The following RABGAP1L variants were observed in gnomAD, a reference collection of about 807,000 sequenced individuals.
RABGAP1L encodes the protein RAB GTPase activating protein 1 like.
In RABGAP1L, 63 loss-of-function variants were observed where a neutral mutation model predicts 137.7. That is an observed-to-expected ratio of 0.46 (90% confidence interval 0.37 to 0.56). RABGAP1L has a LOEUF of 0.56. Among genes scored for constraint, RABGAP1L ranks in the 20% least tolerant of loss-of-function variants. The pLI, the probability that RABGAP1L is intolerant of heterozygous loss-of-function variation, is 0.00. For missense variants in RABGAP1L, 1,095 were observed against 1,244.0 expected, an observed-to-expected ratio of 0.88 and a Z score of 1.80; for synonymous variants, 431 against 433.7, an observed-to-expected ratio of 0.99 and a Z score of 0.08.
chr1:174,589,365 T>C (rs1572419364), intron 13 of RABGAP1L, among the ~76,000 whole-genome samples: 1 of 152,234 alleles, frequency 6.6e-6, no homozygotes, highest in Non-Finnish European at 1.5e-5. Flanking sequence ...ATTTGTCAGA[T>C]GAAGTTTGCA....
intron 21 of RABGAP1L, among the ~76,000 whole-genome samples, chr1:174,971,374 C>G (rs1371550676): frequency 6.6e-6 from 1 of 151,842 alleles, no homozygotes; most frequent in Non-Finnish European, 1.5e-5. Flanking sequence ...GGAGTGACTG[C>G]CATTATAGGT....
At chr1:174,700,962 G>A in intron 16 of RABGAP1L, 1 of 894,088 alleles carries the variant, frequency 1.1e-6, no homozygotes, top group Non-Finnish European at 1.5e-6. Flanking sequence ...TTTTCTGTTA[G>A]CAGTTTTTTT....
intron 19 of RABGAP1L, chr1:174,849,943 C>G (rs112091766): frequency 3.8e-5 from 26 of 691,482 alleles, no homozygotes; most frequent in Middle Eastern, 4.9e-4. Flanking sequence ...ATGGAAGACA[C>G]AGGATCTTTG....
intron 17 of RABGAP1L, among the ~76,000 whole-genome samples, chr1:174,716,538 A>C (rs766101699): frequency 6.6e-5 from 10 of 152,214 alleles, no homozygotes; most frequent in Non-Finnish European, 1.3e-4. Context: ...TTTAGCTACC[A>C]GTACTAGAAC....
intron 13 of RABGAP1L, among the ~76,000 whole-genome samples, chr1:174,502,184 T>C (rs1459535606): frequency 6.6e-6 from 1 of 151,920 alleles, no homozygotes; most frequent in Admixed American, 6.5e-5. Context: ...AAGCAACAAG[T>C]ATGCAAAAAG....
chr1:174,881,032 A>G (rs1368137566), intron 19 of RABGAP1L, among the ~76,000 whole-genome samples: 2 of 152,206 alleles, frequency 1.3e-5, no homozygotes, highest in Non-Finnish European at 2.9e-5. Context: ...TGACCAAGTC[A>G]TAGGGAACAT....
At chr1:174,355,436 G>T (rs1464397763) in intron 11 of RABGAP1L, among the ~76,000 whole-genome samples, 1 of 144,232 alleles carries the variant, frequency 6.9e-6, no homozygotes, top group Non-Finnish European at 1.5e-5. Context: ...ACACAGGAAG[G>T]GGAACATCAC....
At chr1:174,427,522 C>G (rs76766946) in intron 13 of RABGAP1L, among the ~76,000 whole-genome samples, 3,067 of 152,156 alleles carry the variant, frequency 0.02, 110 homozygotes, top group African/African-American at 0.071. Flanking sequence ...ATCACTTTAG[C>G]CACTTAGCTT....
intron 18 of RABGAP1L, among the ~76,000 whole-genome samples, chr1:174,796,809 C>A (rs538855102): frequency 6.6e-6 from 1 of 152,054 alleles, no homozygotes; most frequent in Non-Finnish European, 1.5e-5. Flanking sequence ...GAGTTGAAGA[C>A]CAGCCTGGCC....
Position 174,864,396 on chromosome 1 carries a change from T to C in RABGAP1L, c.2340+52436T>C, listed in dbSNP as rs547510100. ...CTAATAAAGACATACCAGAGACTGG[T>C]TAATTTATAAAGGAAAGTTGTTTAA... On this transcript the variant is annotated intron_variant, in intron 19 of 25. Coordinates refer to ENST00000681986, the MANE Select transcript of RABGAP1L (RefSeq NM_001366446.1). Among the ~76,000 whole-genome samples, 8 of 152,312 alleles carry C rather than the reference T, an allele frequency of 5.3e-5. No homozygotes were observed. The South Asian group carries it at 1.7e-3, about 32-fold the overall frequency.
rs1257427996 is a variant in RABGAP1L at position 174,995,239 on chromosome 1, G to C, written c.*5238G>C. The C allele has an allele frequency of 6.6e-6, 1 of 152,240 alleles. No individual in the cohort carries two copies. 9.4% of individuals were successfully genotyped at this position (152,240 alleles called of 1,614,324 possible). On this transcript the variant is annotated 3_prime_UTR_variant, in exon 26 of 26. Transcript: ENST00000681986. ...AAGGTGACTGTTTTTGTGAGCCAGT[G>C]ATGTTTTCAATGCTTTGTGTTGCCC...
At chr1:174,849,291 A>C (rs1248065316) in intron 19 of RABGAP1L, among the ~76,000 whole-genome samples, 2 of 152,144 alleles carry the variant, frequency 1.3e-5, no homozygotes, top group Non-Finnish European at 2.9e-5. Context: ...TTTCACTATC[A>C]CATATGAAGA....
chr1:174,632,104 G>C (rs368468967), intron 13 of RABGAP1L, among the ~76,000 whole-genome samples: 3,955 of 120,010 alleles, frequency 0.033, 32 homozygotes, highest in Middle Eastern at 0.079. Context: ...GACAAAATCT[G>C]TCAGCATTTG....
intron 13 of RABGAP1L, among the ~76,000 whole-genome samples, chr1:174,617,064 A>G (rs958462017): frequency 6.6e-6 from 1 of 152,182 alleles, no homozygotes. Flanking sequence ...AAAGGAACTA[A>G]AAAGGAATAT....
rs144087902 is a variant in RABGAP1L, at chr1:174,356,820, A to G, written c.1466-14159A>G. 1.2e-3 allele frequency among the ~76,000 whole-genome samples: 180 copies of G among 152,314 alleles called. 2 individuals carry two copies. The highest frequency in any genetic ancestry group is 4.1e-3 in the African/African-American group (172 of 41,574). On this transcript the variant is annotated intron_variant, in intron 11 of 25. Coordinates refer to ENST00000681986, the MANE Select transcript of RABGAP1L (RefSeq NM_001366446.1). ...GTGATAGGCATAAAACAGAAGACTC[A>G]ATAACAATAATAGTAATTCAAAGAA...
In RABGAP1L at chr1:174,988,778, G is replaced by C; in HGVS notation, c.2943G>C (p.Glu981Asp). 1 of 1,550,044 alleles carries C rather than the reference G, an allele frequency of 6.5e-7. No individual in the cohort carries two copies. Among genetic ancestry groups the C allele is most frequent in the East Asian group, 2.4e-5 (1 of 40,836 alleles). ...EKDSLKKQLR[E>D]MELELAQTKL... ...ACTCACTTAAGAAGCAGCTGAGAGA[G>C]ATGGAACTGGAACTGGCACAAACCA... The change falls in exon 25 of 26, where the codon GAG becomes GAC. Residue 981 changes from glutamate to aspartate, a missense_variant. Physicochemically the swap from Glu to Asp is conservative, Grantham distance 45 (BLOSUM62 2). This residue lies in a region of RABGAP1L where 312 missense variants were observed against 435.6 expected (regional missense o/e 0.72). Transcript: ENST00000681986.
chr1:174,708,166 C>T (rs1333592182), intron 17 of RABGAP1L, among the ~76,000 whole-genome samples: 1 of 152,172 alleles, frequency 6.6e-6, no homozygotes, highest in Non-Finnish European at 1.5e-5. Flanking sequence ...GACAGTACTA[C>T]ATTATTTGAT....
At chr1:174,383,199 C>G (rs1686350461) in intron 12 of RABGAP1L, among the ~76,000 whole-genome samples, 1 of 151,086 alleles carries the variant, frequency 6.6e-6, no homozygotes, top group Admixed American at 6.6e-5. Context: ...TCAAAGCTGT[C>G]AGACAGGGAC....
At chr1:174,908,866 A>G (rs1334316521) in intron 19 of RABGAP1L, among the ~76,000 whole-genome samples, 4 of 149,340 alleles carry the variant, frequency 2.7e-5, no homozygotes, top group Non-Finnish European at 5.9e-5. Context: ...TGAACAACCA[A>G]TGGGTCAATG....
Sources: allele counts gnomAD v4.1 joint callset (sites outside exome capture counted in the v4.1 genomes callset), GRCh38; gene constraint gnomAD v4.1.1; regional missense constraint gnomAD v4.1.1; transcripts MANE v1.5; gene names NCBI Gene and HGNC (gene_info 2026-07-23, HGNC 2026-07-21).